TRPM8: variants seen among roughly 807,000 people sequenced by gnomAD.
TRPM8 encodes the protein TRPM8 cationic channel.
TRPM8 carries 110 observed loss-of-function variants against 133.7 expected under a neutral mutation model. That is an observed-to-expected ratio of 0.82 (90% CI 0.70 to 0.96). The LOEUF (loss-of-function observed/expected upper bound fraction) is 0.96. TRPM8 is among the 40% of genes least tolerant of loss of function. The pLI is 0.00. For missense variants in TRPM8, 1,291 were observed against 1,379.5 expected, an observed-to-expected ratio of 0.94 and a Z score of 1.02; for synonymous variants, 535 against 532.3, an observed-to-expected ratio of 1.01 and a Z score of -0.07.
At chr2:233,945,830 A>G (rs1046750434) in intron 6 of TRPM8, 26 bp from the exon 7 acceptor site, 1 of 1,595,858 alleles carries the variant, frequency 6.3e-7, no homozygotes, top group Non-Finnish European at 8.6e-7. Flanking sequence ...TACAATCTCA[A>G]AGACAAGTTT....
At chr2:233,997,431 A>G (rs1472193129) in intron 22 of TRPM8, among the ~76,000 whole-genome samples, 3 of 152,162 alleles carry the variant, frequency 2.0e-5, no homozygotes, top group Non-Finnish European at 4.4e-5. Context: ...CTTTGCTCCC[A>G]TTCACCAGCT....
At chr2:233,953,846 A>C in intron 9 of TRPM8, 71 bp from the exon 10 acceptor site, 1 of 1,204,576 alleles carries the variant, frequency 8.3e-7, no homozygotes, top group Admixed American at 2.2e-5. Context: ...GATCTCTCAC[A>C]AAAAGAAAGA....
At position 234,013,989 on chromosome 2, in the gene TRPM8, G is replaced by A. The variant is rs1344749137; in HGVS notation, c.3265-573G>A. Among the ~76,000 whole-genome samples the A allele has an allele frequency of 5.3e-5, 8 of 152,186 alleles. No individual in the cohort carries two copies. The South Asian group carries it at 1.2e-3, about 24-fold the overall frequency. ...ACAGAAATTGCTTTTAGCAAATGTA[G>A]TAATATGACATGTAATTTAAAATGA... On this transcript the variant is annotated intron_variant, in intron 24 of 25. Coordinates refer to ENST00000324695, the MANE Select transcript of TRPM8 (RefSeq NM_024080.5).
In TRPM8 at chr2:233,960,796, C is replaced by A; in HGVS notation, c.1383C>A (p.Val461=). The A allele has an allele frequency of 6.2e-7, 1 of 1,614,030 alleles. No individual in the cohort carries two copies. Among genetic ancestry groups the A allele is most frequent in the Non-Finnish European group, 8.5e-7 (1 of 1,179,938 alleles). Residue 461 remains valine (V), a synonymous_variant, in exon 12 of 26, where the codon GTC becomes GTA. Coordinates refer to ENST00000324695, the MANE Select transcript of TRPM8 (RefSeq NM_024080.5). The stretch of plus-strand genomic sequence containing the variant: ...CTTAGTCTGCTGACCTTCAAGAAGT[C>A]ATGTTTACGGCTCTCATAAAGGACA... ...RRWESADLQE[V]MFTALIKDRP...
At chr2:233,974,947 G>A (rs1691831245) in intron 17 of TRPM8, among the ~76,000 whole-genome samples, 1 of 152,112 alleles carries the variant, frequency 6.6e-6, no homozygotes, top group Non-Finnish European at 1.5e-5. Context: ...AAAACCATCT[G>A]GAATTGCAAA....
At chr2:233,961,892 G>C (rs1316241976) in intron 12 of TRPM8, among the ~76,000 whole-genome samples, 1 of 152,180 alleles carries the variant, frequency 6.6e-6, no homozygotes, top group East Asian at 1.9e-4. Flanking sequence ...GGCCTCCCAA[G>C]TGTTGGGATT....
At chr2:233,990,607 T>G (rs946103517) in intron 21 of TRPM8, among the ~76,000 whole-genome samples, 2 of 152,196 alleles carry the variant, frequency 1.3e-5, no homozygotes, top group African/African-American at 4.8e-5. Context: ...TGAGCACAGG[T>G]CAGCCCAAGG....
At chr2:233,953,310 G>C (rs569957738) in intron 9 of TRPM8, among the ~76,000 whole-genome samples, 1 of 152,312 alleles carries the variant, frequency 6.6e-6, no homozygotes, top group South Asian at 2.1e-4. Context: ...CAGTCTAATG[G>C]AAACCAGACT....
intron 25 of TRPM8, among the ~76,000 whole-genome samples, chr2:234,015,999 A>C (rs1692947334): frequency 6.6e-6 from 1 of 152,238 alleles, no homozygotes; most frequent in Non-Finnish European, 1.5e-5. Flanking sequence ...AGATTCAGAC[A>C]CGCACATCCC....
chr2:233,964,737 A>G lies in TRPM8; in HGVS notation c.1859A>G (p.Glu620Gly). The G allele has an allele frequency of 6.2e-7, 1 of 1,612,610 alleles. No individual in the cohort carries two copies. Among genetic ancestry groups the G allele is most frequent in the Non-Finnish European group, 8.5e-7 (1 of 1,178,952 alleles). Residue 620 changes from glutamate (E) to glycine (G), a missense_variant, in exon 14 of 26, where the codon GAG becomes GGG. Physicochemically the swap from Glu to Gly is moderately conservative, Grantham distance 98. Transcript: ENST00000324695. ...AAGESEELAN[E>G]YETRAVELFT... ...GGGGAGTCCGAGGAGCTGGCTAATG[A>G]GTACGAGACCCGGGCTGTTGGTGAG... is the stretch of plus-strand genomic sequence containing the variant.
chr2:234,003,429 T>A (rs1692618196), intron 22 of TRPM8, among the ~76,000 whole-genome samples: 1 of 152,218 alleles, frequency 6.6e-6, no homozygotes, highest in Admixed American at 6.5e-5. Flanking sequence ...CAATTCTGAC[T>A]AAAAGCACAA....
chr2:233,947,430 G>A, intron 8 of TRPM8: 2 of 1,443,216 alleles, frequency 1.4e-6, no homozygotes, highest in South Asian at 2.4e-5. Flanking sequence ...ATTAATTCGG[G>A]AGACTTAAAG....
chr2:233,964,551 C>CAAAAAAAAAAAAA, intron 13 of TRPM8, 77 bp from the exon 14 acceptor site: 1 of 570,294 alleles, frequency 1.8e-6, no homozygotes, highest in East Asian at 1.2e-4. Context: ...GACTCCGTCT[C>CAAAAAAAAAAAAA]AAAAAAAAAA....
intron 3 of TRPM8, among the ~76,000 whole-genome samples, chr2:233,931,688 T>A (rs934614351): frequency 2.6e-5 from 4 of 152,198 alleles, no homozygotes; most frequent in African/African-American, 9.6e-5. Context: ...CCATAATGCT[T>A]CAGAGCATAA....
chr2:233,963,261 C>G, intron 12 of TRPM8, 21 bp from the exon 13 acceptor site: 2 of 1,569,856 alleles, frequency 1.3e-6, no homozygotes, highest in Non-Finnish European at 1.8e-6. Flanking sequence ...CACATGCTGA[C>G]CACATGCTCT....
intron 24 of TRPM8, among the ~76,000 whole-genome samples, chr2:234,010,289 C>T (rs540020101): frequency 3.3e-5 from 5 of 152,294 alleles, no homozygotes; most frequent in Admixed American, 1.3e-4. Context: ...GCTCCACTTA[C>T]GCTGTGGAAA....
At chr2:233,964,914 A>G (rs966419418) in intron 14 of TRPM8, among the ~76,000 whole-genome samples, 157 bp downstream of exon 14, 6 of 152,152 alleles carry the variant, frequency 3.9e-5, no homozygotes, top group African/African-American at 9.7e-5. Context: ...GGATGCGACA[A>G]TCTCCTTGGT....
intron 1 of TRPM8, among the ~76,000 whole-genome samples, chr2:233,925,236 T>C (rs1462728192): frequency 6.6e-6 from 1 of 152,198 alleles, no homozygotes; most frequent in African/African-American, 2.4e-5. Context: ...AATAAATAAA[T>C]ATGCAGATCT....
rs545950586 is a variant in TRPM8, at chr2:233,964,813, C to T, written c.1879+56C>T. The T allele has an allele frequency of 3.9e-5, 60 of 1,530,120 alleles. 2 individuals carry two copies. In the South Asian group the frequency reaches 7.1e-4, roughly 18 times the overall value. 94.8% of individuals were successfully genotyped at this position (1,530,120 alleles called of 1,614,324 possible). A position where few individuals can be genotyped will look rare whatever the true frequency, so the allele number is the denominator to read the frequency against. On this transcript the variant is annotated intron_variant, in intron 14 of 25. Transcript: ENST00000324695. ...GCGCGGATCTGCCATGTGGCACAGA[C>T]ATTGCCAGCGGCACTCATAGACCAG...
Sources: allele counts gnomAD v4.1 joint callset (sites outside exome capture counted in the v4.1 genomes callset), GRCh38; gene constraint gnomAD v4.1.1; transcripts MANE v1.5; gene names NCBI Gene and HGNC (gene_info 2026-07-23, HGNC 2026-07-21).